The following CTDSPL2 variants were observed in gnomAD, a reference collection of about 807,000 sequenced individuals.
CTDSPL2 encodes CTD small phosphatase like 2.
In CTDSPL2, 5 loss-of-function variants were observed where a neutral mutation model predicts 60.0. The observed-to-expected ratio is 0.08, with a 90% CI of 0.04 to 0.18. The LOEUF (loss-of-function observed/expected upper bound fraction) is 0.18. Among genes scored for constraint, CTDSPL2 ranks in the 10% least tolerant of loss-of-function variants. CTDSPL2 has a pLI of 1.00. For missense variants in CTDSPL2, 370 were observed against 548.8 expected, an observed-to-expected ratio of 0.67 and a Z score of 3.26; for synonymous variants, 186 against 189.3, an observed-to-expected ratio of 0.98 and a Z score of 0.14.
chr15:44,466,603 A>G (rs1207861865), intron 2 of CTDSPL2, among the ~76,000 whole-genome samples: 1 of 152,154 alleles, frequency 6.6e-6, no homozygotes, highest in African/African-American at 2.4e-5. Flanking sequence ...TATCTAGGCT[A>G]TGTGGTATAG....
chr15:44,459,037 C>T lies in CTDSPL2; in HGVS notation c.23C>T (p.Ala8Val), dbSNP rs1267137488. 2 of 1,595,994 alleles carry T rather than the reference C, an allele frequency of 1.3e-6. No homozygotes were observed. Among genetic ancestry groups the T allele is most frequent in the African/African-American group, 1.4e-5 (1 of 73,912 alleles). The change falls in exon 2 of 13, where the codon GCT (alanine) becomes GTT (valine). Residue 8 changes from alanine (A) to valine (V), a missense_variant. Physicochemically the swap from Ala to Val is moderately conservative, Grantham distance 64. Coordinates refer to ENST00000260327, the MANE Select transcript of CTDSPL2 (RefSeq NM_016396.3). ...AAGATGAGGCTGAGAACACGGAAAGCTTCTCAGCAGTCAAATCAAATCCAA... is the reference window on the plus strand; with the variant it reads ...AAGATGAGGCTGAGAACACGGAAAGTTTCTCAGCAGTCAAATCAAATCCAA... Reference protein sequence around the residue: MRLRTRKASQQSNQIQTQ... With the variant: MRLRTRKVSQQSNQIQTQ...
chr15:44,477,280 C>T (rs1019380027), intron 2 of CTDSPL2, among the ~76,000 whole-genome samples: 1 of 152,086 alleles, frequency 6.6e-6, no homozygotes, highest in African/African-American at 2.4e-5. Flanking sequence ...TACCTGTGAT[C>T]CCAGCACTTT....
intron 1 of CTDSPL2, among the ~76,000 whole-genome samples, chr15:44,442,524 A>C (rs994970176): frequency 2.0e-5 from 3 of 152,068 alleles, no homozygotes; most frequent in Non-Finnish European, 2.9e-5. Flanking sequence ...TGTACCTGAC[A>C]ATTTGCCATT....
At chr15:44,459,407 G>C (rs182514298) in intron 2 of CTDSPL2, among the ~76,000 whole-genome samples, 10 of 152,072 alleles carry the variant, frequency 6.6e-5, no homozygotes, top group African/African-American at 2.4e-4. Context: ...GGCGCCTGTA[G>C]TCCCAGCTAC....
chr15:44,496,210 A>G (rs1369469717), intron 5 of CTDSPL2, among the ~76,000 whole-genome samples, 170 bp from the exon 6 acceptor site: 1 of 152,124 alleles, frequency 6.6e-6, no homozygotes. Flanking sequence ...TTCCCTTTAG[A>G]TCTAAAGTTA....
intron 12 of CTDSPL2, among the ~76,000 whole-genome samples, chr15:44,521,836 G>T (rs1484625564): frequency 2.0e-5 from 3 of 149,246 alleles, no homozygotes; most frequent in Non-Finnish European, 4.4e-5. Flanking sequence ...TACTCGGGAG[G>T]CTGAGGCAGG....
At chr15:44,506,412 CTTT>C (rs764238056) in intron 8 of CTDSPL2, among the ~76,000 whole-genome samples, 4 of 112,380 alleles carry the variant, frequency 3.6e-5, no homozygotes, top group East Asian at 6.1e-4. Context: ...CCTACTTTGA[CTTT>C]TTTTTTTTTT....
chr15:44,511,444 T>C (rs1232986696), intron 8 of CTDSPL2, among the ~76,000 whole-genome samples: 1 of 152,210 alleles, frequency 6.6e-6, no homozygotes, highest in Non-Finnish European at 1.5e-5. Flanking sequence ...TATTGTTAAC[T>C]AGACATATTC....
In CTDSPL2 at chr15:44,488,149, C is replaced by T. The variant is rs541048322; in HGVS notation, c.475+1449C>T. ...AAGAAAAAGGAATAAAGAATGGCTC[C>T]TCCTCCATAGGCAGAGCGGCCTGAA... On this transcript the variant is annotated intron_variant, in intron 4 of 12. Coordinates refer to ENST00000260327, the MANE Select transcript of CTDSPL2 (RefSeq NM_016396.3). Among the ~76,000 whole-genome samples the T allele has an allele frequency of 5.3e-5, 8 of 152,066 alleles. No homozygotes were observed. In the East Asian group the frequency reaches 1.2e-3, roughly 22 times the overall value.
chr15:44,491,901 G>A (rs1014780147), intron 5 of CTDSPL2, among the ~76,000 whole-genome samples: 3 of 151,976 alleles, frequency 2.0e-5, no homozygotes, highest in Non-Finnish European at 4.4e-5. Context: ...TCACTCTGTC[G>A]CCCACGCTGG....
At chr15:44,469,217 C>T in intron 2 of CTDSPL2, among the ~76,000 whole-genome samples, 1 of 152,170 alleles carries the variant, frequency 6.6e-6, no homozygotes, top group East Asian at 1.9e-4. Flanking sequence ...TGAAAGGTGT[C>T]ACGTGAGCAT....
At chr15:44,472,985 CAG>C (rs1335846002) in intron 2 of CTDSPL2, among the ~76,000 whole-genome samples, 2 of 151,940 alleles carry the variant, frequency 1.3e-5, no homozygotes, top group African/African-American at 2.4e-5. Context: ...TTTGTAGAGA[CAG>C]GGTTTCACTA....
intron 1 of CTDSPL2, 128 bp downstream of exon 1, chr15:44,427,900 A>G (rs940747371): frequency 2.6e-6 from 1 of 384,938 alleles, no homozygotes. Flanking sequence ...CTTGGTAGGC[A>G]TGCACTCTTT....
At chr15:44,486,784 C>T (rs1417475343) in intron 4 of CTDSPL2, 84 bp downstream of exon 4, 7 of 964,248 alleles carry the variant, frequency 7.3e-6, no homozygotes, top group African/African-American at 3.8e-5. Context: ...TTTCTTGAGA[C>T]GAAGTCTCTC....
At position 44,526,677 on chromosome 15, in the gene CTDSPL2, A is replaced by G. The variant is rs1423703466; in HGVS notation, c.*2503A>G. 1 of 152,100 alleles carries G rather than the reference A, an allele frequency of 6.6e-6. No individual in the cohort carries two copies. The highest frequency in any genetic ancestry group is 1.5e-5 in the Non-Finnish European group (1 of 67,984). 9.4% of individuals were successfully genotyped at this position (152,100 alleles called of 1,614,324 possible). A position where few individuals can be genotyped will look rare whatever the true frequency, so the allele number is the denominator to read the frequency against. The stretch of plus-strand genomic sequence containing the variant: ...TCCAGCTTCCTTCTACCTTAATACA[A>G]TGTTTTGTCTTCCCATTATCCTCTC... On this transcript the variant is annotated 3_prime_UTR_variant, in exon 13 of 13. Coordinates refer to ENST00000260327, the MANE Select transcript of CTDSPL2 (RefSeq NM_016396.3).
intron 8 of CTDSPL2, among the ~76,000 whole-genome samples, chr15:44,509,924 T>C (rs1567100981): frequency 6.6e-6 from 1 of 150,756 alleles, no homozygotes; most frequent in African/African-American, 2.5e-5. Flanking sequence ...AGACTCCATT[T>C]AAAAATATAT....
At chr15:44,470,410 C>T (rs574813560) in intron 2 of CTDSPL2, 2 of 151,404 alleles carry the variant, frequency 1.3e-5, no homozygotes, top group Non-Finnish European at 2.9e-5. Context: ...TATGTTTTTC[C>T]AGCCTTTATA....
At chr15:44,508,654 G>GGCTA (rs2140852027) in intron 8 of CTDSPL2, among the ~76,000 whole-genome samples, 1 of 152,266 alleles carries the variant, frequency 6.6e-6, no homozygotes, top group Admixed American at 6.5e-5. Context: ...CGGGCGCTGT[G>GGCTA]GCTAGCCCCT....
chr15:44,448,789 A>G, intron 1 of CTDSPL2: 1 of 352,284 alleles, frequency 2.8e-6, no homozygotes, highest in Admixed American at 3.9e-5. Context: ...GCCATAGGGA[A>G]GCTGCGGACG....
Sources: gnomAD v4.1 joint callset for allele counts (sites outside exome capture counted in the v4.1 genomes callset) on GRCh38, gnomAD v4.1.1 for gene constraint, MANE v1.5 for transcripts, NCBI Gene and HGNC (gene_info 2026-07-23, HGNC 2026-07-21) for gene names.